Variants in LMAN1L observed in about 807,000 individuals in gnomAD.
The protein encoded by LMAN1L is lectin, mannose binding 1 like.
In LMAN1L, 60 loss-of-function variants were observed where a neutral mutation model predicts 58.3. The observed-to-expected ratio is 1.03, with a 90% CI of 0.84 to 1.27. The LOEUF is 1.27. Ranked by LOEUF, LMAN1L falls within the 50% of genes most tolerant of loss-of-function variation. The probability of loss-of-function intolerance (pLI) is 0.00; values close to 1 mark genes in which losing one functional copy is unlikely to be tolerated. For synonymous variants in LMAN1L, 280 were observed against 271.6 expected (o/e 1.03, Z -0.31); for missense variants, 629 against 674.0 (o/e 0.93, Z 0.74).
intron 5 of LMAN1L, 42 bp downstream of exon 5, chr15:74,818,859 G>A (rs2063904225): frequency 6.6e-7 from 1 of 1,526,652 alleles, no homozygotes; most frequent in African/African-American, 1.4e-5. Context: ...CTGAGTTACA[G>A]AGCTGCTATG....
intron 1 of LMAN1L, among the ~76,000 whole-genome samples, chr15:74,815,478 C>T (rs563834204): frequency 9.2e-5 from 14 of 152,328 alleles, no homozygotes; most frequent in South Asian, 6.2e-4. Context: ...CCTTCCTCCC[C>T]GCCCCACCAC....
chr15:74,814,754 C>A (rs188356493), intron 1 of LMAN1L, among the ~76,000 whole-genome samples: 1 of 152,264 alleles, frequency 6.6e-6, no homozygotes, highest in East Asian at 1.9e-4. Context: ...GATGATCCGC[C>A]TGCCTCGGCT....
At chr15:74,813,266 G>A in intron 1 of LMAN1L, 1 of 646,726 alleles carries the variant, frequency 1.5e-6, no homozygotes, top group Non-Finnish European at 2.9e-6. Flanking sequence ...CCTGCCCCAG[G>A]ACTTCTCTCT....
intron 6 of LMAN1L, chr15:74,819,595 C>T (rs2063907767): frequency 2.0e-6 from 1 of 496,602 alleles, no homozygotes. Flanking sequence ...CGGAGGGTCC[C>T]ACAGCGGGAA....
At chr15:74,825,309 G>A (rs1211212104) in intron 13 of LMAN1L, 167 bp from the exon 14 acceptor site, 1 of 683,832 alleles carries the variant, frequency 1.5e-6, no homozygotes, top group Admixed American at 2.3e-5. Context: ...ACATGCCCAG[G>A]GGGAAAGCGT....
At chr15:74,813,864 C>T (rs749664886) in intron 1 of LMAN1L, among the ~76,000 whole-genome samples, 2 of 152,152 alleles carry the variant, frequency 1.3e-5, no homozygotes, top group East Asian at 1.9e-4. Context: ...CAGTGGCTCA[C>T]GCCTGTAATC....
intron 12 of LMAN1L, 155 bp from the exon 13 acceptor site, chr15:74,824,196 T>A (rs982015392): frequency 2.8e-6 from 2 of 709,770 alleles, no homozygotes; most frequent in African/African-American, 3.5e-5. Flanking sequence ...GGGAGGCAGC[T>A]TTGTACACTG....
At position 74,819,511 on chromosome 15, in the gene LMAN1L, C is replaced by A. The variant is rs1596379170; in HGVS notation, c.718+239C>A. The stretch of plus-strand genomic sequence containing the variant: ...GTGCCCCTAGCTGTGAGTTGCGGGA[C>A]AAGTGGAAGACAGACAGCAAAGAGG... On this transcript the variant is annotated intron_variant, in intron 6 of 13. Coordinates refer to ENST00000309664, the MANE Select transcript of LMAN1L (RefSeq NM_021819.3). 1.5e-5 allele frequency: 8 copies of A among 541,974 alleles called. No homozygotes were observed. The East Asian group carries it at 2.3e-4, about 16-fold the overall frequency. 33.6% of individuals were successfully genotyped at this position (541,974 alleles called of 1,614,324 possible). A position where few individuals can be genotyped will look rare whatever the true frequency, so the allele number is the denominator to read the frequency against.
chr15:74,815,314 G>A (rs768430558), intron 1 of LMAN1L, among the ~76,000 whole-genome samples: 11 of 152,312 alleles, frequency 7.2e-5, no homozygotes, highest in African/African-American at 2.4e-4. Context: ...CCTCCAGAAC[G>A]TCCTGGCAGA....
At chr15:74,820,273 C>G in intron 7 of LMAN1L, 174 bp downstream of exon 7, 1 of 658,962 alleles carries the variant, frequency 1.5e-6, no homozygotes, top group Admixed American at 2.5e-5. Flanking sequence ...TGTGTGAGGT[C>G]TCGCAGGCTG....
In LMAN1L at chr15:74,821,064, C is replaced by G; in HGVS notation, c.908-11C>G. On this transcript the variant is annotated splice_polypyrimidine_tract_variant and intron_variant, in intron 8 of 13. Coordinates refer to ENST00000309664, the MANE Select transcript of LMAN1L (RefSeq NM_021819.3). ...GCTGGCTGCCCATCCCAGCTCTGCCCTAATCCCCAGGGGAAAGGCTCTTTG... is the reference window on the plus strand; with the variant it reads ...GCTGGCTGCCCATCCCAGCTCTGCCGTAATCCCCAGGGGAAAGGCTCTTTG... 6.4e-7 allele frequency: 1 copy of G among 1,571,324 alleles called. No homozygotes were observed. Among genetic ancestry groups the G allele is most frequent in the African/African-American group, 1.3e-5 (1 of 74,406 alleles).
At chr15:74,813,485 T>C (rs1399015761) in intron 1 of LMAN1L, 13 of 456,944 alleles carry the variant, frequency 2.8e-5, no homozygotes, top group African/African-American at 2.6e-4. Flanking sequence ...CCCAGGTGAG[T>C]GGGCACCAGC....
Position 74,812,945 on chromosome 15 carries a change from C to G in LMAN1L, c.91C>G (p.Arg31Gly). 6.2e-7 allele frequency: 1 copy of G among 1,614,112 alleles called. No individual in the cohort carries two copies. Among genetic ancestry groups the G allele is most frequent in the Non-Finnish European group, 8.5e-7 (1 of 1,180,004 alleles). Reference protein sequence around the residue: ...HSPETGCPPLRRFEYKLSFKG... With the variant: ...HSPETGCPPLGRFEYKLSFKG... ...CCCTGAGACGGGGTGTCCTCCTCTACGCAGGTTTGAGTACAAGCTCAGCTT... is the reference window on the plus strand; with the variant it reads ...CCCTGAGACGGGGTGTCCTCCTCTAGGCAGGTTTGAGTACAAGCTCAGCTT... Residue 31 changes from arginine (R) to glycine (G), a missense_variant, in exon 1 of 14, where the codon CGC becomes GGC. Physicochemically the swap from Arg to Gly is moderately radical, Grantham distance 125. This residue lies in a region of LMAN1L where 573 missense variants were observed against 597.3 expected (regional missense o/e 0.96). Transcript: ENST00000309664.
intron 13 of LMAN1L, chr15:74,825,095 TGCTAA>T (rs2063935217): frequency 5.7e-6 from 1 of 174,810 alleles, no homozygotes; most frequent in African/African-American, 2.3e-5. Context: ...ATGTGGGGTG[TGCTAA>T]AGGCCTCAGC....
intron 5 of LMAN1L, 124 bp downstream of exon 5, chr15:74,818,941 C>T (rs2063904647): frequency 4.0e-6 from 4 of 1,008,674 alleles, no homozygotes; most frequent in Non-Finnish European, 4.4e-6. Flanking sequence ...CACGGGCCAA[C>T]ATCCACAGGG....
chr15:74,819,791 G>T, intron 6 of LMAN1L: 1 of 579,930 alleles, frequency 1.7e-6, no homozygotes, highest in Non-Finnish European at 3.1e-6. Flanking sequence ...CTCTAGCCCA[G>T]GATGTTTTGG....
chr15:74,825,517 G>C lies in LMAN1L; in HGVS notation c.1493G>C (p.Gly498Ala), dbSNP rs760237429. ...NKSLQECLST[G>A]SLPLGPAPHT... The stretch of plus-strand genomic sequence containing the variant: ...AGCCTTCAGGAGTGTCTGTCCACAG[G>C]CAGCCTTCCTCTGGGTCCTGCACCA... The change falls in exon 14 of 14, where the codon GGC (glycine) becomes GCC (alanine). Residue 498 changes from glycine to alanine, a missense_variant. Around this residue, in one of 3 missense-constraint regions of LMAN1L, gnomAD observed 53 missense variants for 59.7 expected, o/e 0.89. Transcript: ENST00000309664. 6.2e-7 allele frequency: 1 copy of C among 1,613,620 alleles called. No homozygotes were observed. Among genetic ancestry groups the C allele is most frequent in the South Asian group, 1.1e-5 (1 of 91,058 alleles).
intron 13 of LMAN1L, 69 bp from the exon 14 acceptor site, chr15:74,825,407 G>A: frequency 6.5e-7 from 1 of 1,532,288 alleles, no homozygotes; most frequent in South Asian, 1.2e-5. Context: ...GCAAGCATGA[G>A]AGTCCTGGTT....
intron 9 of LMAN1L, 42 bp downstream of exon 9, chr15:74,821,268 T>G: frequency 6.5e-7 from 1 of 1,541,774 alleles, no homozygotes; most frequent in Non-Finnish European, 8.7e-7. Context: ...CCTGCGGGCC[T>G]GAAAGAGGAG....
Sources: allele counts gnomAD v4.1 joint callset (sites outside exome capture counted in the v4.1 genomes callset), GRCh38; gene constraint gnomAD v4.1.1; regional missense constraint gnomAD v4.1.1; transcripts MANE v1.5; gene names NCBI Gene and HGNC (gene_info 2026-07-23, HGNC 2026-07-21).